The following IFT80 variants were observed in gnomAD, a reference collection of about 807,000 sequenced individuals.
IFT80 encodes the protein intraflagellar transport 80.
A neutral mutation model predicts 107.9 loss-of-function variants in IFT80; 79 were observed. That is an observed-to-expected ratio of 0.73 (90% CI 0.61 to 0.88). The LOEUF (loss-of-function observed/expected upper bound fraction) is 0.88, where lower values mean the gene tolerates loss of function less well. Among genes scored for constraint, IFT80 ranks in the 40% least tolerant of loss-of-function variants. IFT80 has a pLI of 0.00. For missense variants in IFT80, 797 were observed against 914.2 expected, an observed-to-expected ratio of 0.87 and a Z score of 1.65; for synonymous variants, 299 against 300.9, an observed-to-expected ratio of 0.99 and a Z score of 0.07.
At chr3:160,326,972 C>T (rs1718717484) in intron 8 of IFT80, among the ~76,000 whole-genome samples, 1 of 152,118 alleles carries the variant, frequency 6.6e-6, no homozygotes, top group Non-Finnish European at 1.5e-5. Context: ...TCAACTTCAG[C>T]AAAGTCTCAG....
chr3:160,288,087 G>A (rs1186243715), intron 12 of IFT80, among the ~76,000 whole-genome samples: 2 of 152,234 alleles, frequency 1.3e-5, no homozygotes, highest in Non-Finnish European at 2.9e-5. Context: ...GCTCACGCCT[G>A]TAATCCCAGC....
chr3:160,268,171 C>G (rs553145696), intron 19 of IFT80, among the ~76,000 whole-genome samples: 1 of 152,110 alleles, frequency 6.6e-6, no homozygotes, highest in Non-Finnish European at 1.5e-5. Flanking sequence ...TAGCACCCAA[C>G]CTTAGCACAA....
intron 3 of IFT80, among the ~76,000 whole-genome samples, chr3:160,380,431 G>C (rs1712385947): frequency 6.6e-6 from 1 of 151,974 alleles, no homozygotes; most frequent in Admixed American, 6.6e-5. Flanking sequence ...ATGAGCCTTG[G>C]GCTACTGGCC....
At chr3:160,389,176 C>T (rs773841002) in intron 1 of IFT80, among the ~76,000 whole-genome samples, 5 of 152,050 alleles carry the variant, frequency 3.3e-5, no homozygotes, top group Non-Finnish European at 7.4e-5. Flanking sequence ...TCAACCTTTC[C>T]AGGCTTAAGA....
intron 8 of IFT80, among the ~76,000 whole-genome samples, chr3:160,336,034 C>T (rs1272681054): frequency 2.6e-5 from 4 of 152,090 alleles, no homozygotes; most frequent in Non-Finnish European, 4.4e-5. Context: ...ATGGATAGAA[C>T]ATAGTTTGTT....
At chr3:160,312,916 AT>A (rs1334330887) in intron 9 of IFT80, among the ~76,000 whole-genome samples, 2 of 34,438 alleles carry the variant, frequency 5.8e-5, no homozygotes, top group Admixed American at 1.1e-3. Flanking sequence ...ATAAATATAT[AT>A]TATATATAAA....
chr3:160,307,607 ACT>A (rs1408591766), intron 10 of IFT80, 54 bp downstream of exon 10: 4 of 948,426 alleles, frequency 4.2e-6, no homozygotes, highest in African/African-American at 1.6e-5. Flanking sequence ...CTGAAAATAA[ACT>A]CCTCAGCACA....
chr3:160,320,179 C>T (rs921024072), intron 8 of IFT80: 5 of 430,602 alleles, frequency 1.2e-5, no homozygotes, highest in Non-Finnish European at 2.1e-5. Context: ...TGTAAAAAAC[C>T]CACATCATCT....
At chr3:160,289,485 C>A (rs1052406914) in intron 12 of IFT80, among the ~76,000 whole-genome samples, 1 of 151,750 alleles carries the variant, frequency 6.6e-6, no homozygotes, top group African/African-American at 2.4e-5. Context: ...TTTAAAGAAA[C>A]GAGGTGAAAA....
rs1711575098 is a variant in IFT80 at position 160,372,199 on chromosome 3, C to T, written c.439+3613G>A. ...ACACATAGACAAAGTCACATGGATGCTTCCAACACTTTACAGATTTCCAAA... is the reference window on the plus strand; with the variant it reads ...ACACATAGACAAAGTCACATGGATGTTTCCAACACTTTACAGATTTCCAAA... On this transcript the variant is annotated intron_variant, in intron 5 of 19. Coordinates refer to ENST00000326448, the MANE Select transcript of IFT80 (RefSeq NM_020800.3). 3.9e-5 allele frequency among the ~76,000 whole-genome samples: 6 copies of T among 152,268 alleles called. No homozygotes were observed. In the South Asian group the frequency reaches 1.2e-3, roughly 32 times the overall value.
At chr3:160,360,282 A>C (rs1398424003) in intron 6 of IFT80, among the ~76,000 whole-genome samples, 8 of 152,184 alleles carry the variant, frequency 5.3e-5, no homozygotes, top group Non-Finnish European at 8.8e-5. Flanking sequence ...TTAATGAAAT[A>C]AAGTGAGAAG....
At chr3:160,316,054 T>A (rs1479184967) in intron 9 of IFT80, among the ~76,000 whole-genome samples, 1 of 152,088 alleles carries the variant, frequency 6.6e-6, no homozygotes, top group Non-Finnish European at 1.5e-5. Flanking sequence ...ATAGCTTGCT[T>A]CTAGTAAATA....
At chr3:160,340,929 AT>A (rs756859028) in intron 8 of IFT80, among the ~76,000 whole-genome samples, 1 of 152,218 alleles carries the variant, frequency 6.6e-6, no homozygotes, top group Non-Finnish European at 1.5e-5. Context: ...ATAGCAGTTA[AT>A]TTGGGGATTA....
intron 8 of IFT80, chr3:160,343,505 G>A (rs185810020): frequency 1.3e-5 from 2 of 152,336 alleles, no homozygotes; most frequent in Admixed American, 1.3e-4. Context: ...TTTGAACATT[G>A]GTGCCCTTAC....
At chr3:160,268,228 A>G (rs1713500808) in intron 19 of IFT80, among the ~76,000 whole-genome samples, 185 bp downstream of exon 19, 1 of 152,218 alleles carries the variant, frequency 6.6e-6, no homozygotes, top group African/African-American at 2.4e-5. Flanking sequence ...ATATGCCTGC[A>G]AGATTCCAGA....
intron 9 of IFT80, among the ~76,000 whole-genome samples, 167 bp downstream of exon 9, chr3:160,319,593 G>T (rs113891340): frequency 2.0e-5 from 3 of 152,022 alleles, no homozygotes; most frequent in African/African-American, 7.2e-5. Flanking sequence ...ATCTGTGAAA[G>T]GTTTTTATGT....
At chr3:160,288,319 C>T (rs910895886) in intron 12 of IFT80, among the ~76,000 whole-genome samples, 1 of 151,984 alleles carries the variant, frequency 6.6e-6, no homozygotes. Context: ...GGTGACAGAG[C>T]GAGACTCCGT....
chr3:160,371,277 C>T (rs1378265973), intron 5 of IFT80, among the ~76,000 whole-genome samples: 2 of 151,998 alleles, frequency 1.3e-5, no homozygotes, highest in Non-Finnish European at 2.9e-5. Flanking sequence ...TTTCTTCATT[C>T]TTCAAAGCCC....
intron 8 of IFT80, among the ~76,000 whole-genome samples, chr3:160,329,003 G>A (rs1025548117): frequency 6.6e-6 from 1 of 152,058 alleles, no homozygotes; most frequent in Admixed American, 6.6e-5. Context: ...GAGGGTGGAG[G>A]GTGGGAGGGA....
Sources: allele counts gnomAD v4.1 joint callset (sites outside exome capture counted in the v4.1 genomes callset), GRCh38; gene constraint gnomAD v4.1.1; transcripts MANE v1.5; gene names NCBI Gene and HGNC (gene_info 2026-07-23, HGNC 2026-07-21).